The following POFUT3 variants were observed in gnomAD, a reference collection of about 807,000 sequenced individuals.
The protein encoded by POFUT3 is protein O-fucosyltransferase 3.
At chr8:33,459,248 G>T in the POFUT3 span, among the ~76,000 whole-genome samples, 1 of 152,104 alleles carries the variant, frequency 6.6e-6, no homozygotes, top group Non-Finnish European at 1.5e-5. Context: ...GCTGAGGCAG[G>T]AGAATTGCTT....
At chr8:33,423,964 C>A in the POFUT3 span, among the ~76,000 whole-genome samples, 1,389 of 151,382 alleles carry the variant, frequency 9.2e-3, 30 homozygotes, top group East Asian at 0.11. Context: ...CATGGTGAAA[C>A]CCTATCTCTA....
At chr8:33,340,713 A>G in the POFUT3 span, among the ~76,000 whole-genome samples, 1 of 151,956 alleles carries the variant, frequency 6.6e-6, no homozygotes, top group East Asian at 1.9e-4. Context: ...ACAGAAAGAC[A>G]AAAAAAAGTA....
the POFUT3 span, among the ~76,000 whole-genome samples, chr8:33,423,009 G>A: frequency 6.6e-6 from 1 of 152,100 alleles, no homozygotes; most frequent in East Asian, 1.9e-4. Context: ...TAAAGACGGG[G>A]TCTTGCCAAG....
At chr8:33,320,602 G>T in the POFUT3 span, among the ~76,000 whole-genome samples, 1 of 152,214 alleles carries the variant, frequency 6.6e-6, no homozygotes, top group African/African-American at 2.4e-5. Context: ...TTTCGGTTGA[G>T]ATCTGTCACG....
chr8:33,423,899 G>C, the POFUT3 span, among the ~76,000 whole-genome samples: 2 of 149,808 alleles, frequency 1.3e-5, no homozygotes, highest in African/African-American at 4.9e-5. Flanking sequence ...AGCACTATTG[G>C]AGGCCAAAGC....
the POFUT3 span, among the ~76,000 whole-genome samples, chr8:33,322,032 G>T: frequency 6.6e-6 from 1 of 152,222 alleles, no homozygotes; most frequent in African/African-American, 2.4e-5. Flanking sequence ...CACCACACAT[G>T]ATCAACCCTC....
the POFUT3 span, among the ~76,000 whole-genome samples, chr8:33,352,794 A>G: frequency 3.6e-4 from 55 of 152,360 alleles, no homozygotes; most frequent in African/African-American, 1.1e-3. Flanking sequence ...TTGGCAGGAC[A>G]TGAGAGAATA....
chr8:33,409,170 T>A, the POFUT3 span, among the ~76,000 whole-genome samples: 2 of 152,322 alleles, frequency 1.3e-5, no homozygotes, highest in Admixed American at 1.3e-4. Flanking sequence ...TGTCACAATC[T>A]CGGCTCACTG....
chr8:33,355,605 G>GT, the POFUT3 span, among the ~76,000 whole-genome samples: 17 of 152,132 alleles, frequency 1.1e-4, no homozygotes, highest in African/African-American at 4.1e-4. Context: ...AAACTGGGAT[G>GT]TTATATTTAT....
the POFUT3 span, among the ~76,000 whole-genome samples, chr8:33,395,328 G>C: frequency 3.3e-5 from 5 of 152,120 alleles, no homozygotes; most frequent in African/African-American, 1.2e-4. Flanking sequence ...GAGCGGTGTG[G>C]CAGAAAAGCA....
At chr8:33,373,573 C>T in the POFUT3 span, among the ~76,000 whole-genome samples, 1 of 152,074 alleles carries the variant, frequency 6.6e-6, no homozygotes, top group Non-Finnish European at 1.5e-5. Context: ...AGGCTACACT[C>T]GGCAGCCCTT....
At chr8:33,363,318 G>A in the POFUT3 span, among the ~76,000 whole-genome samples, 7 of 152,154 alleles carry the variant, frequency 4.6e-5, no homozygotes, top group East Asian at 1.4e-3. Context: ...GAGAAAGCAG[G>A]AAAGATCTAA....
chr8:33,400,130 T>TTAA, the POFUT3 span, among the ~76,000 whole-genome samples: 18 of 114,914 alleles, frequency 1.6e-4, no homozygotes, highest in Admixed American at 4.5e-4. Context: ...TTAAGTTCAT[T>TTAA]AAAAAAAAAA....
chr8:33,345,494 G>A, the POFUT3 span, among the ~76,000 whole-genome samples: 4 of 149,316 alleles, frequency 2.7e-5, no homozygotes, highest in Non-Finnish European at 4.4e-5. Context: ...TCCACCTCCC[G>A]GGTTCAAGTG....
At chr8:33,468,047 C>G in the POFUT3 span, among the ~76,000 whole-genome samples, 1 of 152,068 alleles carries the variant, frequency 6.6e-6, no homozygotes, top group Non-Finnish European at 1.5e-5. Context: ...TGAGACCAGC[C>G]TGGACAACAC....
chr8:33,466,731 G>T, the POFUT3 span, among the ~76,000 whole-genome samples: 1 of 152,090 alleles, frequency 6.6e-6, no homozygotes, highest in Admixed American at 6.6e-5. Flanking sequence ...CACTATGAAG[G>T]ACAGCAGGCT....
the POFUT3 span, among the ~76,000 whole-genome samples, chr8:33,456,919 C>T: frequency 6.6e-6 from 1 of 151,786 alleles, no homozygotes; most frequent in Non-Finnish European, 1.5e-5. Context: ...CAGGCATGCA[C>T]CACCACGCCC....
At chr8:33,427,149 T>C in the POFUT3 span, among the ~76,000 whole-genome samples, 2 of 152,100 alleles carry the variant, frequency 1.3e-5, no homozygotes, top group African/African-American at 4.8e-5. Flanking sequence ...GCAGAACATC[T>C]AATACGGAAG....
the POFUT3 span, among the ~76,000 whole-genome samples, chr8:33,363,348 C>A: frequency 2.0e-5 from 3 of 152,102 alleles, no homozygotes; most frequent in Non-Finnish European, 4.4e-5. Context: ...CCTAACATCA[C>A]AATTAAAACA....
Sources: gnomAD v4.1 joint callset for allele counts (sites outside exome capture counted in the v4.1 genomes callset) on GRCh38, gnomAD v4.1.1 for gene constraint, MANE v1.5 for transcripts, NCBI Gene and HGNC (gene_info 2026-07-23, HGNC 2026-07-21) for gene names.